Variants in HACE1 observed in about 807,000 individuals in gnomAD.
HACE1 encodes the protein E3 ubiquitin-protein ligase HACE1.
Under a neutral mutation model 118.4 loss-of-function variants are expected in HACE1, and 73 were observed. The ratio of observed to expected loss-of-function variants is 0.62; its 90% CI spans 0.51 to 0.75. HACE1 has a LOEUF of 0.75. HACE1 is among the 30% of genes least tolerant of loss of function. The pLI is 0.00. For synonymous variants in HACE1, 368 were observed against 374.8 expected (o/e 0.98, Z 0.21); for missense variants, 749 against 1,102.2 (o/e 0.68, Z 4.54).
intron 11 of HACE1, chr6:104,785,696 C>T (rs1275597649): frequency 5.9e-6 from 1 of 168,160 alleles, no homozygotes; most frequent in Non-Finnish European, 1.3e-5. Flanking sequence ...TGATCAATGT[C>T]AACCACTTTC....
intron 7 of HACE1, among the ~76,000 whole-genome samples, chr6:104,804,211 A>G (rs925559922): frequency 4.6e-5 from 7 of 152,218 alleles, no homozygotes; most frequent in Non-Finnish European, 8.8e-5. Flanking sequence ...AACCAAATAA[A>G]AGAGGACACA....
chr6:104,816,628 T>C (rs986708479), intron 6 of HACE1, among the ~76,000 whole-genome samples: 3 of 152,164 alleles, frequency 2.0e-5, no homozygotes, highest in African/African-American at 7.2e-5. Context: ...ACTAGGGCAG[T>C]GCAGACAGGA....
chr6:104,799,180 T>C (rs577116405), intron 7 of HACE1, among the ~76,000 whole-genome samples: 1 of 152,248 alleles, frequency 6.6e-6, no homozygotes, highest in East Asian at 1.9e-4. Context: ...GACACTGTTA[T>C]AAGCATTGTT....
chr6:104,736,131 T>C (rs1464610234), intron 22 of HACE1, among the ~76,000 whole-genome samples: 1 of 151,802 alleles, frequency 6.6e-6, no homozygotes, highest in Non-Finnish European at 1.5e-5. Context: ...ATAAAAAATA[T>C]AATTATTTTT....
intron 1 of HACE1, among the ~76,000 whole-genome samples, chr6:104,858,183 C>T (rs1017592903): frequency 3.3e-5 from 5 of 152,158 alleles, no homozygotes; most frequent in Middle Eastern, 3.4e-3. Flanking sequence ...TTCTAAATCA[C>T]ATTTATGTAA....
At chr6:104,754,148 A>G (rs1324575559) in intron 19 of HACE1, among the ~76,000 whole-genome samples, 2 of 150,474 alleles carry the variant, frequency 1.3e-5, no homozygotes, top group Admixed American at 1.3e-4. Context: ...AAGCAGAGGA[A>G]AGAACCTCAG....
At chr6:104,834,907 C>T (rs531671841) in intron 5 of HACE1, among the ~76,000 whole-genome samples, 69 of 152,330 alleles carry the variant, frequency 4.5e-4, no homozygotes, top group African/African-American at 1.6e-3. Flanking sequence ...TAATGGCCCC[C>T]ACTCAACCAG....
At chr6:104,816,708 G>A (rs962878552) in intron 6 of HACE1, among the ~76,000 whole-genome samples, 1 of 152,094 alleles carries the variant, frequency 6.6e-6, no homozygotes, top group African/African-American at 2.4e-5. Context: ...CCACCCCCCA[G>A]ACCCAACAAT....
At chr6:104,804,989 A>G (rs1770831760) in intron 7 of HACE1, among the ~76,000 whole-genome samples, 1 of 152,230 alleles carries the variant, frequency 6.6e-6, no homozygotes, top group Non-Finnish European at 1.5e-5. Context: ...CAGAATCTAC[A>G]ATGAATTCAA....
intron 6 of HACE1, among the ~76,000 whole-genome samples, chr6:104,819,676 G>A (rs998574343): frequency 2.0e-5 from 3 of 152,040 alleles, no homozygotes; most frequent in African/African-American, 7.2e-5. Context: ...TATGGTACTG[G>A]TACAAAAACA....
chr6:104,735,173 ATATT>A (rs1285630423), intron 22 of HACE1, among the ~76,000 whole-genome samples: 5 of 152,246 alleles, frequency 3.3e-5, no homozygotes, highest in African/African-American at 1.2e-4. Flanking sequence ...GGAAATCTCT[ATATT>A]TAACTTTGAT....
intron 22 of HACE1, among the ~76,000 whole-genome samples, chr6:104,734,419 TA>T (rs1775588857): frequency 6.6e-6 from 1 of 151,848 alleles, no homozygotes. Flanking sequence ...ATCCAAAAAT[TA>T]AAAAAGAAAA....
chr6:104,744,629 A>G lies in HACE1; in HGVS notation c.2344-19T>C. On this transcript the variant is annotated intron_variant, in intron 20 of 23. Coordinates refer to ENST00000262903, the MANE Select transcript of HACE1 (RefSeq NM_020771.4). Reference sequence around the variant, plus strand: ...GTAGCTCCTTGGGGGAAGAAGAAAAATATTTCAATAATTTTCTTTAGGGAA... The same window carrying G: ...GTAGCTCCTTGGGGGAAGAAGAAAAGTATTTCAATAATTTTCTTTAGGGAA... The G allele has an allele frequency of 7.4e-7, 1 of 1,353,428 alleles. No individual in the cohort carries two copies. Among genetic ancestry groups the G allele is most frequent in the Non-Finnish European group, 1.1e-6 (1 of 943,076 alleles). The allele number at this position is 1,353,428 out of a possible 1,614,324, so 83.8% of individuals were successfully genotyped here.
At position 104,833,143 on chromosome 6, in the gene HACE1, C is replaced by A; in HGVS notation, c.433G>T (p.Glu145Ter). The part of the protein sequence containing the change: ...IHWLAVNGRT[E>*]LLHDLVQHVS... Reference sequence around the variant, plus strand: ...TGCTGCACAAGGTCATGGAGTAGTTCTGTCCGCCCATTCACAGCCAGCCAA... The same window carrying A: ...TGCTGCACAAGGTCATGGAGTAGTTATGTCCGCCCATTCACAGCCAGCCAA... The change falls in exon 6 of 24, where the codon GAA (glutamate) becomes TAA (stop). Residue 145 changes from glutamate to a stop codon, truncating the protein, a stop_gained. Transcript: ENST00000262903. LOFTEE classifies it high-confidence loss of function. 1 of 1,613,904 alleles carries A rather than the reference C, an allele frequency of 6.2e-7. No individual in the cohort carries two copies. The highest frequency in any genetic ancestry group is 8.5e-7 in the Non-Finnish European group (1 of 1,179,788).
At chr6:104,778,213 G>A (rs776482517) in intron 14 of HACE1, among the ~76,000 whole-genome samples, 1 of 152,062 alleles carries the variant, frequency 6.6e-6, no homozygotes, top group Non-Finnish European at 1.5e-5. Flanking sequence ...CATCTGCCAG[G>A]TAAGCAAACT....
At chr6:104,729,855 C>T (rs1775015937) in intron 23 of HACE1, 91 bp from the exon 24 acceptor site, 1 of 716,992 alleles carries the variant, frequency 1.4e-6, no homozygotes. Context: ...TCATAATTAA[C>T]ATAAAATCAT....
At chr6:104,762,322 G>C (rs1408024814) in intron 19 of HACE1, among the ~76,000 whole-genome samples, 3 of 152,178 alleles carry the variant, frequency 2.0e-5, no homozygotes, top group Non-Finnish European at 4.4e-5. Context: ...ATGATAGACT[G>C]GATTAAGGAA....
At position 104,832,951 on chromosome 6, in the gene HACE1, T is replaced by C. The variant is rs1582697588; in HGVS notation, c.534+91A>G. 12 of 1,195,550 alleles carry C rather than the reference T, an allele frequency of 1.0e-5. No homozygotes were observed. In the South Asian group the frequency reaches 1.1e-4, roughly 11 times the overall value. 74.1% of individuals were successfully genotyped at this position (1,195,550 alleles called of 1,614,324 possible). On this transcript the variant is annotated intron_variant, in intron 6 of 23. Coordinates refer to ENST00000262903, the MANE Select transcript of HACE1 (RefSeq NM_020771.4). ...AATAAGATTTTGCTATAATGCTTCA[T>C]GTTCCCAAATATGCACAATGAAAAA...
At chr6:104,733,679 T>A (rs1216570343) in intron 22 of HACE1, among the ~76,000 whole-genome samples, 1 of 150,954 alleles carries the variant, frequency 6.6e-6, no homozygotes, top group Non-Finnish European at 1.5e-5. Flanking sequence ...TGAAACCCCG[T>A]CTCTACTAAA....
Sources: gnomAD v4.1 joint callset for allele counts (sites outside exome capture counted in the v4.1 genomes callset) on GRCh38, gnomAD v4.1.1 for gene constraint, MANE v1.5 for transcripts, NCBI Gene and HGNC (gene_info 2026-07-23, HGNC 2026-07-21) for gene names.